Variants in SEMA6D observed in about 807,000 individuals in gnomAD.
The protein encoded by SEMA6D is semaphorin-6D.
Under a neutral mutation model 106.6 loss-of-function variants are expected in SEMA6D, and 35 were observed. The ratio of observed to expected loss-of-function variants is 0.33; its 90% CI spans 0.25 to 0.44. The LOEUF is 0.44. Among genes scored for constraint, SEMA6D ranks in the 20% least tolerant of loss-of-function variants. The probability of loss-of-function intolerance (pLI) is 1.00; values close to 1 mark genes in which losing one functional copy is unlikely to be tolerated. For synonymous variants in SEMA6D, 499 were observed against 487.7 expected (o/e 1.02, Z -0.31); for missense variants, 1,185 against 1,345.9 (o/e 0.88, Z 1.87).
chr15:47,473,687 C>T (rs543049564), intron 3 of SEMA6D, among the ~76,000 whole-genome samples: 7 of 152,158 alleles, frequency 4.6e-5, no homozygotes, highest in African/African-American at 1.4e-4. Context: ...TGGCTCTGAA[C>T]GGATTTCAGA....
intron 3 of SEMA6D, among the ~76,000 whole-genome samples, chr15:47,510,194 G>A (rs904739102): frequency 3.9e-5 from 6 of 152,136 alleles, no homozygotes; most frequent in Admixed American, 1.3e-4. Context: ...TCCGGCTTCT[G>A]TCAATCAGCT....
intron 4 of SEMA6D, among the ~76,000 whole-genome samples, chr15:47,614,792 G>T (rs991022747): frequency 1.3e-5 from 2 of 152,158 alleles, no homozygotes; most frequent in Admixed American, 1.3e-4. Context: ...TTTAGACTCT[G>T]CCACTTAGCA....
Position 47,719,334 on chromosome 15 carries a change from A to G in SEMA6D, c.-55+1642A>G, listed in dbSNP as rs184770565. On this transcript the variant is annotated intron_variant, in intron 1 of 18. Coordinates refer to ENST00000536845, the MANE Select transcript of SEMA6D (RefSeq NM_001358351.3). Reference sequence around the variant, plus strand: ...GGCGCAGCACATCGTTACTATAGATATATAGACTTCGTCAACAGTCATTGG... The same window carrying G: ...GGCGCAGCACATCGTTACTATAGATGTATAGACTTCGTCAACAGTCATTGG... Among the ~76,000 whole-genome samples the G allele has an allele frequency of 4.6e-5, 7 of 152,314 alleles. No individual in the cohort carries two copies. In the East Asian group the frequency reaches 7.7e-4, roughly 17 times the overall value.
chr15:47,741,663 G>A lies in SEMA6D; in HGVS notation c.-54-18082G>A, dbSNP rs1028840007. ...CAGGAAGTGAAGGTTGCAGTGAGCCGAGATCGTGCCATTGCGCTCCAGCCT... is the reference window on the plus strand; with the variant it reads ...CAGGAAGTGAAGGTTGCAGTGAGCCAAGATCGTGCCATTGCGCTCCAGCCT... On this transcript the variant is annotated intron_variant, in intron 1 of 18. Transcript: ENST00000536845. Among the ~76,000 whole-genome samples the A allele has an allele frequency of 7.9e-5, 12 of 152,172 alleles. 1 individual carries two copies. The East Asian group carries it at 1.9e-3, about 24-fold the overall frequency.
intron 3 of SEMA6D, among the ~76,000 whole-genome samples, chr15:47,599,823 A>T (rs1383066323): frequency 6.6e-6 from 1 of 152,136 alleles, no homozygotes; most frequent in African/African-American, 2.4e-5. Flanking sequence ...AATTTTGCCC[A>T]TTAAGAAAGA....
chr15:47,671,528 G>A (rs1033158632), intron 4 of SEMA6D, among the ~76,000 whole-genome samples: 1 of 152,202 alleles, frequency 6.6e-6, no homozygotes, highest in African/African-American at 2.4e-5. Context: ...AATCAGCCTG[G>A]CTGGAGCACT....
At chr15:47,738,383 C>A (rs922507917) in intron 1 of SEMA6D, among the ~76,000 whole-genome samples, 3 of 152,150 alleles carry the variant, frequency 2.0e-5, no homozygotes, top group Non-Finnish European at 2.9e-5. Context: ...ACCACATTTT[C>A]TTTATCCAGT....
chr15:47,207,741 A>G (rs922889497), intron 1 of SEMA6D, among the ~76,000 whole-genome samples: 15 of 152,186 alleles, frequency 9.9e-5, no homozygotes, highest in African/African-American at 2.9e-4. Flanking sequence ...CTAAGAGAAA[A>G]GGGCTCTAAA....
chr15:47,760,971 C>T lies in SEMA6D; in HGVS notation c.222-7C>T, dbSNP rs780035682. 6.2e-6 allele frequency: 10 copies of T among 1,610,708 alleles called. No individual in the cohort carries two copies. Among genetic ancestry groups the T allele is most frequent in the South Asian group, 3.3e-5 (3 of 90,372 alleles). ...CGTGATATGTTTTATTGCCTTATTT[C>T]CAACAGGGATCAAGTTTATACAGTA... On this transcript the variant is annotated splice_region_variant and splice_polypyrimidine_tract_variant and intron_variant, in intron 3 of 18. Transcript: ENST00000536845.
rs573310547 is a variant in SEMA6D at position 47,365,672 on chromosome 15, C to G, written c.-238-46721C>G. ...AGTCAGGAGTTCAAGACCAGCCTGG[C>G]CAACATGGTGAAACCCTGTCTCTAC... is the stretch of plus-strand genomic sequence containing the variant. On this transcript the variant is annotated intron_variant, in intron 1 of 19. Transcript: ENST00000558014. 1.8e-4 allele frequency among the ~76,000 whole-genome samples: 27 copies of G among 151,588 alleles called. No individual in the cohort carries two copies. In the South Asian group the frequency reaches 5.6e-3, roughly 32 times the overall value.
At chr15:47,715,721 C>T (rs1404806529), upstream of SEMA6D, among the ~76,000 whole-genome samples, 1 of 152,292 alleles carries the variant, frequency 6.6e-6, no homozygotes, top group East Asian at 1.9e-4. Context: ...TCAGGTGGCA[C>T]TCTGGAAAGC....
At chr15:47,685,391 A>G (rs1335573964) in intron 4 of SEMA6D, among the ~76,000 whole-genome samples, 1 of 152,190 alleles carries the variant, frequency 6.6e-6, no homozygotes, top group African/African-American at 2.4e-5. Flanking sequence ...TATAAGGGAC[A>G]TCACCAAGTT....
chr15:47,394,160 T>C (rs2040131744), intron 1 of SEMA6D, among the ~76,000 whole-genome samples: 1 of 152,144 alleles, frequency 6.6e-6, no homozygotes, highest in Non-Finnish European at 1.5e-5. Context: ...AGGACTTGGG[T>C]AGCTTTCTTG....
chr15:47,768,529 A>C, intron 17 of SEMA6D, 52 bp from the exon 18 acceptor site: 1 of 1,384,924 alleles, frequency 7.2e-7, no homozygotes, highest in Non-Finnish European at 9.6e-7. Context: ...CAGACCAATC[A>C]AAAAAAATCT....
At chr15:47,682,561 A>T (rs1190091495) in intron 4 of SEMA6D, among the ~76,000 whole-genome samples, 1 of 152,212 alleles carries the variant, frequency 6.6e-6, no homozygotes, top group Non-Finnish European at 1.5e-5. Flanking sequence ...AAGAATTGGT[A>T]ACCTCAGTGA....
chr15:47,326,216 T>A lies in SEMA6D; in HGVS notation c.-238-86177T>A, dbSNP rs74337869. Among the ~76,000 whole-genome samples the A allele has an allele frequency of 1.2e-3, 187 of 152,284 alleles. 2 individuals are homozygous for A. The East Asian group carries it at 0.028, about 23-fold the overall frequency. ...TAACTGGAACTCAATTCTTTCACAA[T>A]CATGCTTAAAATCTCAAATCAGAAC... On this transcript the variant is annotated intron_variant, in intron 1 of 19. Transcript: ENST00000558014.
At chr15:47,222,807 C>T (rs766988718) in intron 1 of SEMA6D, among the ~76,000 whole-genome samples, 36 of 152,246 alleles carry the variant, frequency 2.4e-4, no homozygotes, top group Non-Finnish European at 4.0e-4. Flanking sequence ...CTGTGCTCTT[C>T]GAGAGTGACA....
At chr15:47,473,476 T>C (rs112508681) in intron 3 of SEMA6D, among the ~76,000 whole-genome samples, 2,353 of 152,266 alleles carry the variant, frequency 0.015, 43 homozygotes, top group African/African-American at 0.036. Flanking sequence ...TGAAGTCCCC[T>C]GACTCACATT....
chr15:47,239,165 C>T (rs936513118), intron 1 of SEMA6D, among the ~76,000 whole-genome samples: 3 of 152,174 alleles, frequency 2.0e-5, no homozygotes, highest in Non-Finnish European at 2.9e-5. Context: ...CTATTGTGAA[C>T]TGCGCATGCA....
Sources: gnomAD v4.1 joint callset for allele counts (sites outside exome capture counted in the v4.1 genomes callset) on GRCh38, gnomAD v4.1.1 for gene constraint, MANE v1.5 for transcripts, NCBI Gene and HGNC (gene_info 2026-07-23, HGNC 2026-07-21) for gene names.